GGCX: variants seen among roughly 807,000 people sequenced by gnomAD.
The protein encoded by GGCX is vitamin K-dependent gamma-carboxylase.
A neutral mutation model predicts 88.5 loss-of-function variants in GGCX; 63 were observed. The observed-to-expected ratio is 0.71, with a 90% CI of 0.58 to 0.88. The LOEUF (loss-of-function observed/expected upper bound fraction) is 0.88. Among genes scored for constraint, GGCX ranks in the 40% least tolerant of loss-of-function variants. The pLI, the probability that GGCX is intolerant of heterozygous loss-of-function variation, is 0.00. For missense variants in GGCX, 805 were observed against 932.9 expected (o/e 0.86, Z 1.79); for synonymous variants, 368 against 365.8 (o/e 1.01, Z -0.07).
intron 4 of GGCX, among the ~76,000 whole-genome samples, chr2:85,556,649 C>G (rs1464376198): frequency 6.6e-6 from 1 of 151,964 alleles, no homozygotes; most frequent in Non-Finnish European, 1.5e-5. Flanking sequence ...AATGAAAACC[C>G]TCAACAGCAG....
intron 8 of GGCX, 53 bp downstream of exon 8, chr2:85,553,179 T>C: frequency 6.2e-7 from 1 of 1,612,920 alleles, no homozygotes; most frequent in Non-Finnish European, 8.5e-7. Flanking sequence ...ACTATTGTCA[T>C]CCGTTCCTTT....
At position 85,549,409 on chromosome 2, in the gene GGCX, AG is replaced by A. The variant is rs1691820044; in HGVS notation, c.*524del. On this transcript the variant is annotated 3_prime_UTR_variant, in exon 15 of 15. Coordinates refer to ENST00000233838, the MANE Select transcript of GGCX (RefSeq NM_000821.7). ...GAGACGAAGTCTTGCTCTGTTGCCC[AG>A]GAGTGCAGTGGCTCGATCTCGGCTC... 1 of 167,054 alleles carries A rather than the reference AG, an allele frequency of 6.0e-6. No homozygotes were observed. The highest frequency in any genetic ancestry group is 2.4e-5 in the African/African-American group (1 of 41,488). The allele number at this position is 167,054 out of a possible 1,614,324, so 10.3% of individuals were successfully genotyped here.
rs1558809384 is a variant in GGCX, at chr2:85,554,454, T to TTG, written c.726-149_726-148insCA. 25 of 645,594 alleles carry TTG rather than the reference T, an allele frequency of 3.9e-5. No individual in the cohort carries two copies. The Middle Eastern group carries it at 1.6e-3, about 43-fold the overall frequency. The allele number at this position is 645,594 out of a possible 1,614,324, so 40.0% of individuals were successfully genotyped here. On this transcript the variant is annotated intron_variant, in intron 6 of 14. Transcript: ENST00000233838. Reference sequence around the variant, plus strand: ...CCCATGAAGACACTCCTCTAGGTTGTTTGTTGTTGTTGTTGTTGTTGTTGT... The same window carrying TTG: ...CCCATGAAGACACTCCTCTAGGTTGTTGTTGTTGTTGTTGTTGTTGTTGTTGT...
rs1023389128 is a variant in GGCX at position 85,551,488 on chromosome 2, T to C, written c.1732A>G (p.Lys578Glu). The change falls in exon 12 of 15, where the codon AAA becomes GAA. Residue 578 changes from lysine to glutamate, a missense_variant. Lys to Glu is a moderately conservative substitution (Grantham distance 56). Transcript: ENST00000233838. Reference protein sequence around the residue: ...QKNQTLREGEKMQLPAGEYHK... With the variant: ...QKNQTLREGEEMQLPAGEYHK... ...TAATCCCAGCAAAATACCTGCATTT[T>C]TTCTCCCTCTCGAAGAGTCTGGTTC... 6.2e-7 allele frequency: 1 copy of C among 1,613,996 alleles called. No individual in the cohort carries two copies. The highest frequency in any genetic ancestry group is 8.5e-7 in the Non-Finnish European group (1 of 1,180,000).
At position 85,548,809 on chromosome 2, in the gene GGCX, C is replaced by T. The variant is rs1197594306; in HGVS notation, c.*1125G>A. The T allele has an allele frequency of 6.6e-6, 1 of 152,204 alleles. No individual in the cohort carries two copies. Among genetic ancestry groups the T allele is most frequent in the African/African-American group, 2.4e-5 (1 of 41,446 alleles). The allele number at this position is 152,204 out of a possible 1,614,324, so 9.4% of individuals were successfully genotyped here. ...CCAACCTACAAAATGTCTAAGCATTCCCTAATCCCTTACTAAATTTAGTTA... is the reference window on the plus strand; with the variant it reads ...CCAACCTACAAAATGTCTAAGCATTTCCTAATCCCTTACTAAATTTAGTTA... On this transcript the variant is annotated 3_prime_UTR_variant, in exon 15 of 15. Transcript: ENST00000233838.
At chr2:85,556,782 A>G (rs1177702658) in intron 4 of GGCX, among the ~76,000 whole-genome samples, 2 of 152,128 alleles carry the variant, frequency 1.3e-5, no homozygotes, top group Admixed American at 6.5e-5. Context: ...CTAACACCAG[A>G]TGTACTCTGG....
At position 85,560,855 on chromosome 2, in the gene GGCX, TG is replaced by T; in HGVS notation, c.173del (p.Pro58GlnfsTer7). The T allele has an allele frequency of 1.2e-6, 2 of 1,614,152 alleles. No individual in the cohort carries two copies. Among genetic ancestry groups the T allele is most frequent in the Non-Finnish European group, 1.7e-6 (2 of 1,180,004 alleles). Reference sequence around the variant, plus strand: ...AGACAGCTAAGCTTGCAGGGTCCGTTGGTCGATTCAGCAGGGTCACCAGCCT... The same window carrying T: ...AGACAGCTAAGCTTGCAGGGTCCGTTGTCGATTCAGCAGGGTCACCAGCCT... Reference protein sequence around the residue: ...WRRLVTLLNRPTDPASLAVFR... With the variant: ...WRRLVTLLNRXTDPASLAVFR... On this transcript the variant is annotated frameshift_variant, in exon 2 of 15. Coordinates refer to ENST00000233838, the MANE Select transcript of GGCX (RefSeq NM_000821.7). LOFTEE classifies it high-confidence loss of function.
chr2:85,551,351 G>A (rs1486382786), intron 12 of GGCX, 129 bp downstream of exon 12: 24 of 911,272 alleles, frequency 2.6e-5, no homozygotes, highest in Non-Finnish European at 3.8e-5. Flanking sequence ...TTAGAGATGG[G>A]GTCTCACTCT....
intron 4 of GGCX, among the ~76,000 whole-genome samples, chr2:85,557,176 T>C (rs1455449521): frequency 2.6e-5 from 4 of 152,178 alleles, no homozygotes; most frequent in African/African-American, 9.7e-5. Context: ...TACAGGGTTT[T>C]AATGAGGAAA....
chr2:85,553,931 T>C, intron 7 of GGCX: 1 of 602,360 alleles, frequency 1.7e-6, no homozygotes, highest in Non-Finnish European at 3.0e-6. Flanking sequence ...AAGATATTTG[T>C]TCTTCCTGGA....
At position 85,546,693 on chromosome 2, in the gene GGCX, T is replaced by C. The variant is rs1374040230; in HGVS notation, c.*3241A>G. ...CACTCCAGCCTGGGCCAGAGCAAGG[T>C]TCCTTCTCAAAAAACTTGGAAATCT... is the stretch of plus-strand genomic sequence containing the variant. On this transcript the variant is annotated 3_prime_UTR_variant, in exon 15 of 15. Transcript: ENST00000233838. The C allele has an allele frequency of 6.6e-6, 1 of 152,204 alleles. No homozygotes were observed. The highest frequency in any genetic ancestry group is 6.6e-5 in the Admixed American group (1 of 15,262). The allele number at this position is 152,204 out of a possible 1,614,324, so 9.4% of individuals were successfully genotyped here.
rs1338917495 is a variant in GGCX at position 85,549,647 on chromosome 2, C to T, written c.*287G>A. 3 of 399,234 alleles carry T rather than the reference C, an allele frequency of 7.5e-6. No homozygotes were observed. The highest frequency in any genetic ancestry group is 1.4e-5 in the Non-Finnish European group (3 of 213,392). 24.7% of individuals were successfully genotyped at this position (399,234 alleles called of 1,614,324 possible). ...AAATGCTGGGATTACAGGCGTGAGC[C>T]ACGGCACCCAGCCCCCAAAAAGCCA... On this transcript the variant is annotated 3_prime_UTR_variant, in exon 15 of 15. Coordinates refer to ENST00000233838, the MANE Select transcript of GGCX (RefSeq NM_000821.7).
rs908540934 is a variant in GGCX, at chr2:85,547,894, T to G, written c.*2040A>C. 1 of 152,018 alleles carries G rather than the reference T, an allele frequency of 6.6e-6. No individual in the cohort carries two copies. The highest frequency in any genetic ancestry group is 1.5e-5 in the Non-Finnish European group (1 of 68,006). 9.4% of individuals were successfully genotyped at this position (152,018 alleles called of 1,614,324 possible). A position where few individuals can be genotyped will look rare whatever the true frequency, so the allele number is the denominator to read the frequency against. On this transcript the variant is annotated 3_prime_UTR_variant, in exon 15 of 15. Coordinates refer to ENST00000233838, the MANE Select transcript of GGCX (RefSeq NM_000821.7). ...AATACAAAGGTTGAAAATACAGATA[T>G]AGGTAGTAATGAAAACAGATTTGGC...
chr2:85,550,146 CG>C lies in GGCX; in HGVS notation c.2085-21del. On this transcript the variant is annotated intron_variant, in intron 14 of 14. Coordinates refer to ENST00000233838, the MANE Select transcript of GGCX (RefSeq NM_000821.7). ...AGGAAGCTGAAAAACAGGAAAAAGC[CG>C]ACCAAGTTCAAACTCCTGTTTCACC... is the stretch of plus-strand genomic sequence containing the variant. The C allele has an allele frequency of 6.3e-7, 1 of 1,596,280 alleles. No individual in the cohort carries two copies. The highest frequency in any genetic ancestry group is 8.6e-7 in the Non-Finnish European group (1 of 1,163,924).
Position 85,558,424 on chromosome 2 carries a change from C to A in GGCX, c.539+16G>T, listed in dbSNP as rs749348369. ...GACCCAGCCAACCCCTCCCCTTTGT[C>A]CCCCCTGACTCATACCAGTAGTGGT... On this transcript the variant is annotated intron_variant, in intron 4 of 14. Transcript: ENST00000233838. 1.2e-6 allele frequency: 2 copies of A among 1,609,174 alleles called. No homozygotes were observed. The highest frequency in any genetic ancestry group is 1.7e-5 in the Admixed American group (1 of 60,016).
At chr2:85,556,125 G>C (rs1025212010) in intron 5 of GGCX, 57 bp downstream of exon 5, 11 of 1,016,716 alleles carry the variant, frequency 1.1e-5, no homozygotes, top group Non-Finnish European at 1.7e-5. Context: ...CAGTGGGATG[G>C]CCATGCTGAC....
At position 85,559,608 on chromosome 2, in the gene GGCX, G is replaced by A. The variant is rs539896360; in HGVS notation, c.215-533C>T. On this transcript the variant is annotated intron_variant, in intron 2 of 14. Transcript: ENST00000233838. The stretch of plus-strand genomic sequence containing the variant: ...CGCATGCCTGTAATCCCAGCTACTC[G>A]GGAAGCTGAAGCAGGAGAATCACTT... Among the ~76,000 whole-genome samples, 8 of 152,040 alleles carry A rather than the reference G, an allele frequency of 5.3e-5. 1 individual carries two copies. Among genetic ancestry groups the A allele is most frequent in the Admixed American group, 3.9e-4 (6 of 15,264 alleles).
chr2:85,559,046 C>G lies in GGCX; in HGVS notation c.244G>C (p.Glu82Gln), dbSNP rs1289347817. 9 of 1,613,992 alleles carry G rather than the reference C, an allele frequency of 5.6e-6. No homozygotes were observed. Residue 82 changes from glutamate (E) to glutamine (Q), a missense_variant, in exon 3 of 15, where the codon GAG (glutamate) becomes CAG (glutamine). Transcript: ENST00000233838. ...GFLMVLDIPQ[E>Q]RGLSSLDRKY... Reference sequence around the variant, plus strand: ...CGGTCCAGAGAGCTGAGCCCCCGCTCCTGGGGAATGTCTAGCACCATCAAG... The same window carrying G: ...CGGTCCAGAGAGCTGAGCCCCCGCTGCTGGGGAATGTCTAGCACCATCAAG...
In GGCX at chr2:85,547,839, C is replaced by T. The variant is rs1691752086; in HGVS notation, c.*2095G>A. 1 of 152,144 alleles carries T rather than the reference C, an allele frequency of 6.6e-6. No individual in the cohort carries two copies. Among genetic ancestry groups the T allele is most frequent in the South Asian group, 2.1e-4 (1 of 4,830 alleles). The allele number at this position is 152,144 out of a possible 1,614,324, so 9.4% of individuals were successfully genotyped here. On this transcript the variant is annotated 3_prime_UTR_variant, in exon 15 of 15. Coordinates refer to ENST00000233838, the MANE Select transcript of GGCX (RefSeq NM_000821.7). ...TCTGCTTGACAACTAACATGTCGGC[C>T]CTGTCCTGGTCTATCCCTAACTAGA...
Sources: allele counts gnomAD v4.1 joint callset (sites outside exome capture counted in the v4.1 genomes callset), GRCh38; gene constraint gnomAD v4.1.1; transcripts MANE v1.5; gene names NCBI Gene and HGNC (gene_info 2026-07-23, HGNC 2026-07-21).